PCDHA12: variants seen among roughly 807,000 people sequenced by gnomAD.
PCDHA12 encodes protocadherin alpha-12.
PCDHA12 carries 44 observed loss-of-function variants against 60.0 expected under a neutral mutation model. The ratio of observed to expected loss-of-function variants is 0.73; its 90% CI spans 0.58 to 0.94. The LOEUF is 0.94. Among genes scored for constraint, PCDHA12 ranks in the 40% least tolerant of loss-of-function variants. The probability of loss-of-function intolerance (pLI) is 0.00; values close to 1 mark genes in which losing one functional copy is unlikely to be tolerated. For missense variants in PCDHA12, 1,276 were observed against 1,239.7 expected (o/e 1.03, Z -0.44); for synonymous variants, 569 against 553.0 (o/e 1.03, Z -0.40).
chr5:141,006,368 C>T (rs1395158727), intron 3 of PCDHA12, among the ~76,000 whole-genome samples: 2 of 152,072 alleles, frequency 1.3e-5, no homozygotes, highest in Non-Finnish European at 2.9e-5. Context: ...CCCACCACCA[C>T]GCCCGGCTAA....
chr5:140,943,888 T>A (rs567966075), intron 1 of PCDHA12, among the ~76,000 whole-genome samples: 1 of 152,330 alleles, frequency 6.6e-6, no homozygotes, highest in South Asian at 2.1e-4. Context: ...ATTGGACTGG[T>A]CATTATGATG....
At chr5:140,967,390 G>A (rs2096135950) in intron 1 of PCDHA12, 2 of 1,609,752 alleles carry the variant, frequency 1.2e-6, no homozygotes, top group African/African-American at 1.3e-5. Context: ...AAGTGCTTGA[G>A]CTGGTGCTGC....
At chr5:141,005,944 C>T (rs1563696119) in intron 3 of PCDHA12, among the ~76,000 whole-genome samples, 1 of 151,862 alleles carries the variant, frequency 6.6e-6, no homozygotes, top group African/African-American at 2.4e-5. Context: ...GAGAACCTAT[C>T]TCTAACAAAC....
intron 1 of PCDHA12, among the ~76,000 whole-genome samples, chr5:140,901,810 T>C (rs2068911855): frequency 6.6e-6 from 1 of 152,336 alleles, no homozygotes; most frequent in African/African-American, 2.4e-5. Flanking sequence ...ATTTTTACAA[T>C]ATTGATTCTT....
In PCDHA12 at chr5:141,009,694, A is replaced by G. The variant is rs782798367; in HGVS notation, c.2583A>G (p.Lys861=). The part of the protein sequence containing the change: ...AGVNSNSWTF[K]YGPGNPKQSG... ...TCAACAGCAACAGCTGGACCTTTAA[A>G]TACGGACCAGGCAACCCCAAACAAT... is the stretch of plus-strand genomic sequence containing the variant. The change falls in exon 4 of 4, where the codon AAA becomes AAG. Residue 861 remains lysine (K), a synonymous_variant. Transcript: ENST00000398631. 5 of 1,613,890 alleles carry G rather than the reference A, an allele frequency of 3.1e-6. No homozygotes were observed. In the Admixed American group the frequency reaches 6.7e-5, roughly 22 times the overall value.
chr5:140,876,630 C>T lies in PCDHA12; in HGVS notation c.1158C>T (p.Ile386=). 2 of 1,614,226 alleles carry T rather than the reference C, an allele frequency of 1.2e-6. No individual in the cohort carries two copies. Among genetic ancestry groups the T allele is most frequent in the Non-Finnish European group, 1.7e-6 (2 of 1,180,028 alleles). The change falls in exon 1 of 4, where the codon ATC becomes ATT. Residue 386 remains isoleucine, a synonymous_variant. Coordinates refer to ENST00000398631, the MANE Select transcript of PCDHA12 (RefSeq NM_018903.4). ...ACTCTGGAGCCAATGGACAGGTCAT[C>T]TGCTCACTGACACCTCATGTTCCCT... ...DRDSGANGQV[I]CSLTPHVPFK...
chr5:141,002,173 C>T (rs1442739241), intron 3 of PCDHA12, among the ~76,000 whole-genome samples: 2 of 152,192 alleles, frequency 1.3e-5, no homozygotes, highest in Non-Finnish European at 2.9e-5. Flanking sequence ...TAGGCAGGCT[C>T]CAGAGTGCTG....
In PCDHA12 at chr5:140,919,817, T is replaced by C. The variant is rs889103078; in HGVS notation, c.2367+41978T>C. Among the ~76,000 whole-genome samples the C allele has an allele frequency of 4.6e-5, 7 of 152,350 alleles. No homozygotes were observed. In the South Asian group the frequency reaches 1.0e-3, roughly 23 times the overall value. On this transcript the variant is annotated intron_variant, in intron 1 of 3. Coordinates refer to ENST00000398631, the MANE Select transcript of PCDHA12 (RefSeq NM_018903.4). ...TGGATTGAATTGTGGGCCTCAAAAA[T>C]ATATGTCCACATAGTAACCTTTGGA...
At position 140,877,641 on chromosome 5, in the gene PCDHA12, C is replaced by T. The variant is rs548787462; in HGVS notation, c.2169C>T (p.Cys723=). The change falls in exon 1 of 4, where the codon TGC becomes TGT. Residue 723 remains cysteine (C), a synonymous_variant. Transcript: ENST00000398631. ...LTLLLYTALR[C]SAPPTVSRCA... ...TGCTGCTGTACACTGCGCTGCGTTGCTCAGCGCCGCCCACCGTGAGCCGGT... is the reference window on the plus strand; with the variant it reads ...TGCTGCTGTACACTGCGCTGCGTTGTTCAGCGCCGCCCACCGTGAGCCGGT... 1.9e-6 allele frequency: 3 copies of T among 1,613,592 alleles called. No individual in the cohort carries two copies. Among genetic ancestry groups the T allele is most frequent in the Non-Finnish European group, 2.5e-6 (3 of 1,179,810 alleles).
intron 1 of PCDHA12, among the ~76,000 whole-genome samples, chr5:140,943,702 G>C (rs2153663732): frequency 6.6e-6 from 1 of 152,280 alleles, no homozygotes; most frequent in South Asian, 2.1e-4. Context: ...AAATATTGTG[G>C]AACACATTTA....
At chr5:140,937,316 C>T (rs1355509287) in intron 1 of PCDHA12, among the ~76,000 whole-genome samples, 7 of 152,044 alleles carry the variant, frequency 4.6e-5, no homozygotes, top group Admixed American at 3.9e-4. Context: ...GGATTACAGG[C>T]GTGAGCCACC....
chr5:140,945,689 T>G (rs529270613), intron 1 of PCDHA12, among the ~76,000 whole-genome samples: 30 of 152,170 alleles, frequency 2.0e-4, no homozygotes, highest in African/African-American at 7.0e-4. Context: ...ACAGTTACTG[T>G]CCACTGATTT....
chr5:140,879,002 AG>A (rs1278268880), intron 1 of PCDHA12, among the ~76,000 whole-genome samples: 2 of 152,270 alleles, frequency 1.3e-5, no homozygotes, highest in African/African-American at 4.8e-5. Context: ...AGTATGCCCT[AG>A]AAATCAGATA....
intron 1 of PCDHA12, chr5:140,966,508 A>G (rs1288054154): frequency 9.2e-6 from 4 of 434,452 alleles, no homozygotes; most frequent in African/African-American, 4.1e-5. Context: ...TAGCGGCAGC[A>G]GCAGCAGGAA....
chr5:140,927,169 T>A, intron 1 of PCDHA12: 1 of 1,614,172 alleles, frequency 6.2e-7, no homozygotes, highest in Non-Finnish European at 8.5e-7. Context: ...CAAAGCTGCC[T>A]GCGTCTTGAC....
chr5:140,977,325 G>A (rs1277032974), intron 1 of PCDHA12, among the ~76,000 whole-genome samples: 1 of 152,210 alleles, frequency 6.6e-6, no homozygotes, highest in African/African-American at 2.4e-5. Context: ...TCCTGATGGC[G>A]AGGGGAGAGA....
chr5:140,912,532 G>T (rs1554195398), intron 1 of PCDHA12, among the ~76,000 whole-genome samples: 1 of 152,092 alleles, frequency 6.6e-6, no homozygotes, highest in African/African-American at 2.4e-5. Flanking sequence ...CAGAGTACAT[G>T]ATCATATTGT....
chr5:140,877,285 G>T lies in PCDHA12; in HGVS notation c.1813G>T (p.Ala605Ser), dbSNP rs76220347. 4.6e-3 allele frequency: 7,403 copies of T among 1,613,898 alleles called. 23 individuals carry two copies. Among genetic ancestry groups the T allele is most frequent in the Middle Eastern group, 7.1e-3 (43 of 6,038 alleles). ...GGTGGACGCTGACTCCGGCTATAAC[G>T]CTTGGCTGTCCTACGAGTTGCAACC... ...RAVDADSGYN[A>S]WLSYELQPAA... Residue 605 changes from alanine to serine, a missense_variant, in exon 1 of 4, where the codon GCT becomes TCT. Physicochemically the swap from Ala to Ser is moderately conservative, Grantham distance 99. Coordinates refer to ENST00000398631, the MANE Select transcript of PCDHA12 (RefSeq NM_018903.4).
intron 1 of PCDHA12, chr5:140,884,087 CT>C (rs782425411): frequency 6.2e-7 from 1 of 1,613,564 alleles, no homozygotes; most frequent in South Asian, 1.1e-5. Context: ...CAATGCGTGG[CT>C]TTCGTATGAA....
Sources: gnomAD v4.1 joint callset for allele counts (sites outside exome capture counted in the v4.1 genomes callset) on GRCh38, gnomAD v4.1.1 for gene constraint, MANE v1.5 for transcripts, NCBI Gene and HGNC (gene_info 2026-07-23, HGNC 2026-07-21) for gene names.